BLNK: variants seen among roughly 807,000 people sequenced by gnomAD.
BLNK encodes the protein B cell linker, also known as B-cell linker protein.
Under a neutral mutation model 73.5 loss-of-function variants are expected in BLNK, and 29 were observed. That is an observed-to-expected ratio of 0.39 (90% CI 0.29 to 0.54). The LOEUF (loss-of-function observed/expected upper bound fraction) is 0.54, where lower values mean the gene tolerates loss of function less well. Ranked by LOEUF, BLNK falls within the 20% of genes least tolerant of loss-of-function variation. The pLI, the probability that BLNK is intolerant of heterozygous loss-of-function variation, is 0.61. For synonymous variants in BLNK, 176 were observed against 200.8 expected (o/e 0.88, Z 1.04); for missense variants, 460 against 562.8 (o/e 0.82, Z 1.85).
intron 15 of BLNK, among the ~76,000 whole-genome samples, chr10:96,197,675 T>A (rs587702585): frequency 3.6e-4 from 55 of 152,208 alleles, no homozygotes; most frequent in Non-Finnish European, 6.6e-4. Context: ...AAAACTTTCA[T>A]TTTATATTTG....
intron 1 of BLNK, among the ~76,000 whole-genome samples, chr10:96,257,552 G>C (rs1278034280): frequency 6.6e-6 from 1 of 152,158 alleles, no homozygotes; most frequent in Non-Finnish European, 1.5e-5. Flanking sequence ...TAAATCAGCA[G>C]GACTGATTCT....
At chr10:96,238,913 A>G in intron 3 of BLNK, 1 of 386,924 alleles carries the variant, frequency 2.6e-6, no homozygotes, top group Non-Finnish European at 4.6e-6. Context: ...GGGTTTCTTA[A>G]ATATGATTTA....
At chr10:96,215,413 A>G (rs199716040) in intron 7 of BLNK, 24 bp from the exon 8 acceptor site, 542 of 137,078 alleles carry the variant, frequency 4.0e-3, no homozygotes, top group Non-Finnish European at 4.6e-3. Flanking sequence ...ATGTGTGTGT[A>G]TATATATATA....
At chr10:96,266,260 A>G (rs78143798) in intron 1 of BLNK, among the ~76,000 whole-genome samples, 3,009 of 152,304 alleles carry the variant, frequency 0.02, 94 homozygotes, top group African/African-American at 0.068. Context: ...TTTTCAATCC[A>G]GTAATCTAGG....
intron 6 of BLNK, among the ~76,000 whole-genome samples, chr10:96,217,389 T>G (rs953972036): frequency 1.3e-5 from 2 of 152,222 alleles, no homozygotes; most frequent in Non-Finnish European, 1.5e-5. Flanking sequence ...ACTGCCAAAC[T>G]GTTTTCCAAA....
At chr10:96,232,629 A>G (rs587710224) in intron 3 of BLNK, among the ~76,000 whole-genome samples, 2 of 152,280 alleles carry the variant, frequency 1.3e-5, no homozygotes, top group Non-Finnish European at 2.9e-5. Flanking sequence ...CAAGCCAAAC[A>G]TGGGTCACAC....
At chr10:96,241,738 T>C (rs587750289) in intron 3 of BLNK, among the ~76,000 whole-genome samples, 262 of 151,328 alleles carry the variant, frequency 1.7e-3, no homozygotes, top group African/African-American at 5.7e-3. Flanking sequence ...TTCTTTCTTT[T>C]TTTTTTTTTT....
intron 10 of BLNK, 139 bp downstream of exon 10, chr10:96,207,733 T>A: frequency 9.9e-7 from 1 of 1,014,656 alleles, no homozygotes; most frequent in Non-Finnish European, 1.5e-6. Flanking sequence ...GAAGCTTCTC[T>A]TGGACTGCTT....
intron 2 of BLNK, among the ~76,000 whole-genome samples, chr10:96,243,565 G>A (rs1246107962): frequency 1.3e-5 from 2 of 152,006 alleles, no homozygotes; most frequent in African/African-American, 2.4e-5. Flanking sequence ...AAAAAAAGCC[G>A]AACAAGTGAA....
At chr10:96,269,423 A>AAC (rs1230344661) in intron 1 of BLNK, among the ~76,000 whole-genome samples, 2 of 105,670 alleles carry the variant, frequency 1.9e-5, no homozygotes, top group Non-Finnish European at 3.3e-5. Flanking sequence ...TCTGAAAACA[A>AAC]AAAAAAAAAA....
At chr10:96,244,936 G>A (rs1320544453) in intron 2 of BLNK, among the ~76,000 whole-genome samples, 4 of 152,034 alleles carry the variant, frequency 2.6e-5, no homozygotes, top group Non-Finnish European at 5.9e-5. Flanking sequence ...TTATGCAGAG[G>A]CTTCATGTTA....
intron 3 of BLNK, among the ~76,000 whole-genome samples, chr10:96,231,476 C>T (rs587650985): frequency 6.6e-6 from 1 of 152,292 alleles, no homozygotes; most frequent in Admixed American, 6.5e-5. Context: ...ACTGTAGTCC[C>T]AGCACTTTGA....
At chr10:96,266,836 G>C (rs1490561286) in intron 1 of BLNK, among the ~76,000 whole-genome samples, 1 of 152,206 alleles carries the variant, frequency 6.6e-6, no homozygotes, top group Non-Finnish European at 1.5e-5. Flanking sequence ...CAGCTTGGGT[G>C]GTTTGAGGTA....
chr10:96,210,597 G>C (rs2083923355), intron 8 of BLNK, among the ~76,000 whole-genome samples: 1 of 152,212 alleles, frequency 6.6e-6, no homozygotes, highest in Non-Finnish European at 1.5e-5. Context: ...CCTGAAGATA[G>C]ATGCCAGACA....
chr10:96,224,854 T>C (rs1398623257), intron 5 of BLNK, among the ~76,000 whole-genome samples: 2 of 152,032 alleles, frequency 1.3e-5, no homozygotes, highest in Non-Finnish European at 2.9e-5. Flanking sequence ...CCCACCACCA[T>C]GCCTGGCTAA....
chr10:96,189,519 C>G lies in BLNK; in HGVS notation c.*2454G>C, dbSNP rs1554892967. The G allele has an allele frequency of 3.1e-6, 2 of 651,232 alleles. No homozygotes were observed. Among genetic ancestry groups the G allele is most frequent in the African/African-American group, 3.6e-5 (2 of 56,128 alleles). 40.3% of individuals were successfully genotyped at this position (651,232 alleles called of 1,614,324 possible). A position where few individuals can be genotyped will look rare whatever the true frequency, so the allele number is the denominator to read the frequency against. On this transcript the variant is annotated 3_prime_UTR_variant, in exon 17 of 17. Coordinates refer to ENST00000224337, the MANE Select transcript of BLNK (RefSeq NM_013314.4). ...TTTTGATTTAATGTCTTCTACAGAACTAGGCCCTTTTGGTGTTTTACGAGT... is the reference window on the plus strand; with the variant it reads ...TTTTGATTTAATGTCTTCTACAGAAGTAGGCCCTTTTGGTGTTTTACGAGT...
At chr10:96,208,344 G>A (rs372182696) in intron 9 of BLNK, among the ~76,000 whole-genome samples, 11 of 152,124 alleles carry the variant, frequency 7.2e-5, no homozygotes, top group African/African-American at 2.4e-4. Flanking sequence ...TAAGAGGGTG[G>A]TCCAGCAGGT....
chr10:96,239,219 T>C (rs782085539), intron 3 of BLNK: 29 of 398,514 alleles, frequency 7.3e-5, no homozygotes, highest in Non-Finnish European at 1.2e-4. Flanking sequence ...AAGATGTGAA[T>C]GCCTAAAGCC....
intron 8 of BLNK, chr10:96,210,135 A>T (rs1554898396): frequency 1.0e-5 from 6 of 584,942 alleles, no homozygotes; most frequent in Non-Finnish European, 1.6e-5. Flanking sequence ...GATGGGGGTT[A>T]GGGACTCCAC....
Sources: gnomAD v4.1 joint callset for allele counts (sites outside exome capture counted in the v4.1 genomes callset) on GRCh38, gnomAD v4.1.1 for gene constraint, MANE v1.5 for transcripts, NCBI Gene and HGNC (gene_info 2026-07-23, HGNC 2026-07-21) for gene names.